Variants in ZSCAN25 observed in about 807,000 individuals in gnomAD.
ZSCAN25 encodes zinc finger and SCAN domain-containing protein 25.
Under a neutral mutation model 38.7 loss-of-function variants are expected in ZSCAN25, and 27 were observed. That is an observed-to-expected ratio of 0.70 (90% CI 0.51 to 0.96). The LOEUF is 0.96. Among genes scored for constraint, ZSCAN25 ranks in the 40% least tolerant of loss-of-function variants. The pLI is 0.00. For missense variants in ZSCAN25, 637 were observed against 705.9 expected (o/e 0.90, Z 1.11); for synonymous variants, 273 against 277.7 (o/e 0.98, Z 0.17).
At chr7:99,676,314 T>A in the ZSCAN25 span, 1 of 1,576,730 alleles carries the variant, frequency 6.3e-7, no homozygotes, top group Non-Finnish European at 8.6e-7. Flanking sequence ...AGGTAATATG[T>A]ACACGATAAA....
chr7:99,681,146 CA>C, the ZSCAN25 span, among the ~76,000 whole-genome samples: 1 of 152,280 alleles, frequency 6.6e-6, no homozygotes, highest in African/African-American at 2.4e-5. Context: ...ATGCTTTTTT[CA>C]TGGCTGAATT....
At chr7:99,670,732 C>T in the ZSCAN25 span, among the ~76,000 whole-genome samples, 212 of 152,288 alleles carry the variant, frequency 1.4e-3, 2 homozygotes, top group Non-Finnish European at 2.1e-3. Flanking sequence ...GCAGCACTTA[C>T]ATTTGTGAGC....
At chr7:99,712,086 G>T in the ZSCAN25 span, among the ~76,000 whole-genome samples, 1 of 152,166 alleles carries the variant, frequency 6.6e-6, no homozygotes, top group Non-Finnish European at 1.5e-5. Flanking sequence ...CCCCTCTCTT[G>T]ATTTTTTTCC....
the ZSCAN25 span, among the ~76,000 whole-genome samples, chr7:99,694,994 A>C: frequency 5.3e-5 from 8 of 151,786 alleles, no homozygotes; most frequent in Non-Finnish European, 1.0e-4. Flanking sequence ...TAAAAAAAAA[A>C]CCACAAATTC....
At chr7:99,719,513 C>T in the ZSCAN25 span, among the ~76,000 whole-genome samples, 1 of 152,088 alleles carries the variant, frequency 6.6e-6, no homozygotes, top group Non-Finnish European at 1.5e-5. Context: ...AAGCATTAAA[C>T]TTTATGACTT....
At chr7:99,708,975 G>T in the ZSCAN25 span, 1 of 1,577,692 alleles carries the variant, frequency 6.3e-7, no homozygotes, top group Non-Finnish European at 8.7e-7. Context: ...CCTGTAGAGA[G>T]GCAGAATATG....
At chr7:99,727,841 A>T in the ZSCAN25 span, among the ~76,000 whole-genome samples, 1 of 152,142 alleles carries the variant, frequency 6.6e-6, no homozygotes, top group East Asian at 1.9e-4. Flanking sequence ...CTGCACCACC[A>T]TGCTGTAATA....
At chr7:99,640,336 T>G in the ZSCAN25 span, among the ~76,000 whole-genome samples, 2 of 152,168 alleles carry the variant, frequency 1.3e-5, no homozygotes, top group African/African-American at 4.8e-5. Flanking sequence ...TTTGGTATTT[T>G]TAGTAGAGAC....
At chr7:99,732,031 T>C in the ZSCAN25 span, among the ~76,000 whole-genome samples, 1 of 152,196 alleles carries the variant, frequency 6.6e-6, no homozygotes, top group African/African-American at 2.4e-5. Flanking sequence ...TCTGAATCTG[T>C]GCCCCTACCC....
intron 7 of ZSCAN25, among the ~76,000 whole-genome samples, chr7:99,628,026 A>AGG (rs1183356386): frequency 6.6e-6 from 1 of 152,020 alleles, no homozygotes; most frequent in Admixed American, 6.5e-5. Context: ...CAGAGGCAGG[A>AGG]GGGTCACTTG....
In ZSCAN25 at chr7:99,631,044, A is replaced by C; in HGVS notation, c.*1024A>C. The C allele has an allele frequency of 6.1e-6, 6 of 977,812 alleles. No individual in the cohort carries two copies. The highest frequency in any genetic ancestry group is 9.5e-5 in the South Asian group (2 of 21,112). 60.6% of individuals were successfully genotyped at this position (977,812 alleles called of 1,614,324 possible). Reference sequence around the variant, plus strand: ...TGTCAGGAACTCTTCTGGGTGCTTGAGACACATCCATGAATAAAATAGGGG... The same window carrying C: ...TGTCAGGAACTCTTCTGGGTGCTTGCGACACATCCATGAATAAAATAGGGG... On this transcript the variant is annotated 3_prime_UTR_variant, in exon 8 of 8. Coordinates refer to ENST00000394152, the MANE Select transcript of ZSCAN25 (RefSeq NM_145115.3).
the ZSCAN25 span, among the ~76,000 whole-genome samples, chr7:99,702,392 G>C: frequency 1.3e-5 from 2 of 152,100 alleles, no homozygotes; most frequent in African/African-American, 4.8e-5. Context: ...TGTTTGGCCA[G>C]ATTTCAGTCT....
At chr7:99,705,561 A>G in the ZSCAN25 span, 1 of 1,613,738 alleles carries the variant, frequency 6.2e-7, no homozygotes, top group Non-Finnish European at 8.5e-7. Flanking sequence ...TTTTTCTGTT[A>G]GAAGAAGTCC....
chr7:99,658,669 C>T, the ZSCAN25 span, among the ~76,000 whole-genome samples: 1 of 152,202 alleles, frequency 6.6e-6, no homozygotes, highest in Non-Finnish European at 1.5e-5. Flanking sequence ...TAATATCCTG[C>T]AGAGTGTTTT....
the ZSCAN25 span, chr7:99,647,893 T>C: frequency 9.1e-6 from 9 of 983,716 alleles, no homozygotes; most frequent in Admixed American, 3.7e-4. Flanking sequence ...ATAAAACTTA[T>C]AGAATATTAC....
the ZSCAN25 span, among the ~76,000 whole-genome samples, chr7:99,695,449 T>C: frequency 2.6e-5 from 4 of 152,254 alleles, no homozygotes; most frequent in Admixed American, 2.0e-4. Flanking sequence ...GGAACCTACA[T>C]GGGGCAAAAG....
the ZSCAN25 span, chr7:99,650,340 G>A: frequency 1.0e-6 from 1 of 982,438 alleles, no homozygotes; most frequent in Non-Finnish European, 1.5e-6. Context: ...CCAACCAGTA[G>A]TACACAGGAT....
chr7:99,726,113 C>T, the ZSCAN25 span, among the ~76,000 whole-genome samples: 4 of 152,146 alleles, frequency 2.6e-5, no homozygotes, highest in African/African-American at 7.2e-5. Flanking sequence ...CTTCCCAACC[C>T]AAAGCCTCCT....
the ZSCAN25 span, chr7:99,722,289 TACTC>T: frequency 2.5e-6 from 4 of 1,613,492 alleles, no homozygotes; most frequent in African/African-American, 2.7e-5. Flanking sequence ...TCTTCCAGAA[TACTC>T]ACCCCCAGAC....
Sources: gnomAD v4.1 joint callset for allele counts (sites outside exome capture counted in the v4.1 genomes callset) on GRCh38, gnomAD v4.1.1 for gene constraint, MANE v1.5 for transcripts, NCBI Gene and HGNC (gene_info 2026-07-23, HGNC 2026-07-21) for gene names.